PLCB4: variants seen among roughly 807,000 people sequenced by gnomAD.
PLCB4 encodes phospholipase C beta 4, also known as 1-phosphatidylinositol 4,5-bisphosphate phosphodiesterase beta-4.
In PLCB4, 77 loss-of-function variants were observed where a neutral mutation model predicts 178.8. That is an observed-to-expected ratio of 0.43 (90% CI 0.36 to 0.52). The LOEUF (loss-of-function observed/expected upper bound fraction) is 0.52, where lower values mean the gene tolerates loss of function less well. Among genes scored for constraint, PLCB4 ranks in the 20% least tolerant of loss-of-function variants. The pLI, the probability that PLCB4 is intolerant of heterozygous loss-of-function variation, is 0.00. For synonymous variants in PLCB4, 496 were observed against 490.8 expected (o/e 1.01, Z -0.14); for missense variants, 1,024 against 1,453.4 (o/e 0.70, Z 4.80).
chr20:9,120,598 T>C (rs915531948), intron 2 of PLCB4, among the ~76,000 whole-genome samples: 1 of 152,128 alleles, frequency 6.6e-6, no homozygotes, highest in Non-Finnish European at 1.5e-5. Flanking sequence ...TCAATACTAC[T>C]TCTCATCTGC....
chr20:9,129,766 T>G (rs186142737), intron 2 of PLCB4, among the ~76,000 whole-genome samples: 29 of 152,324 alleles, frequency 1.9e-4, no homozygotes, highest in African/African-American at 5.5e-4. Flanking sequence ...TTTATACACA[T>G]GTTTTCAAAA....
At chr20:9,148,416 C>G (rs1019491481) in intron 2 of PLCB4, among the ~76,000 whole-genome samples, 2 of 152,142 alleles carry the variant, frequency 1.3e-5, no homozygotes, top group African/African-American at 4.8e-5. Flanking sequence ...TGTTAGATGT[C>G]TCACAAAGGG....
intron 2 of PLCB4, among the ~76,000 whole-genome samples, chr20:9,109,027 C>CA (rs1325235077): frequency 4.6e-5 from 7 of 151,008 alleles, no homozygotes; most frequent in Admixed American, 2.6e-4. Context: ...TGCCCCCCAC[C>CA]AAAAAAAAGT....
intron 3 of PLCB4, among the ~76,000 whole-genome samples, chr20:9,223,128 T>A (rs543944782): frequency 6.6e-6 from 1 of 152,150 alleles, no homozygotes; most frequent in Non-Finnish European, 1.5e-5. Context: ...GGAATTTCAA[T>A]GGGAAAAAAA....
chr20:9,424,283 G>A (rs1201465236), intron 28 of PLCB4, among the ~76,000 whole-genome samples: 2 of 152,150 alleles, frequency 1.3e-5, no homozygotes, highest in Non-Finnish European at 2.9e-5. Context: ...TAAATAAGGT[G>A]AAACCATAGA....
At chr20:9,278,991 A>T (rs1330496437) in intron 3 of PLCB4, among the ~76,000 whole-genome samples, 1 of 152,056 alleles carries the variant, frequency 6.6e-6, no homozygotes, top group Non-Finnish European at 1.5e-5. Context: ...GTTTGTTTAA[A>T]TACAAGCTTT....
Position 9,421,287 on chromosome 20 carries a change from G to A in PLCB4, c.2155-10G>A. On this transcript the variant is annotated splice_polypyrimidine_tract_variant and intron_variant, in intron 26 of 39. Coordinates refer to ENST00000378473, the MANE Select transcript of PLCB4 (RefSeq NM_001377142.1). ...CTTACTTCTCTTTGCTCTCGTTCGT[G>A]CTGCTACAGGTTATATCAGGTCAAT... 6.2e-7 allele frequency: 1 copy of A among 1,600,966 alleles called. No homozygotes were observed.
At chr20:9,069,839 G>C (rs1481809879) in intron 1 of PLCB4, among the ~76,000 whole-genome samples, 2 of 152,114 alleles carry the variant, frequency 1.3e-5, no homozygotes, top group Non-Finnish European at 2.9e-5. Context: ...ACTTTATCTA[G>C]AATCATAAAA....
chr20:9,352,886 T>G (rs1292475128), intron 7 of PLCB4, among the ~76,000 whole-genome samples: 1 of 152,214 alleles, frequency 6.6e-6, no homozygotes, highest in Admixed American at 6.5e-5. Flanking sequence ...GCTTCTTTTT[T>G]GCTCACATAC....
chr20:9,309,122 G>A (rs927767526), intron 4 of PLCB4, among the ~76,000 whole-genome samples: 20 of 151,942 alleles, frequency 1.3e-4, no homozygotes, highest in African/African-American at 4.1e-4. Flanking sequence ...CCATTGTAGC[G>A]TAAAGGGAAG....
At chr20:9,468,105 A>G (rs1006702262) in intron 35 of PLCB4, among the ~76,000 whole-genome samples, 1 of 152,104 alleles carries the variant, frequency 6.6e-6, no homozygotes, top group African/African-American at 2.4e-5. Flanking sequence ...TCTGATCCCA[A>G]ATAATATGAA....
chr20:9,179,029 T>C (rs1368164492), intron 2 of PLCB4, among the ~76,000 whole-genome samples: 6 of 152,208 alleles, frequency 3.9e-5, no homozygotes, highest in Admixed American at 3.3e-4. Context: ...TTTGAACTTA[T>C]GATAAAAAAT....
At chr20:9,221,027 G>A (rs1246270048) in intron 3 of PLCB4, among the ~76,000 whole-genome samples, 1 of 152,124 alleles carries the variant, frequency 6.6e-6, no homozygotes, top group East Asian at 1.9e-4. Context: ...CGTGAGATGA[G>A]CTCTCCAGAA....
At chr20:9,475,715 A>T (rs1320936065) in intron 38 of PLCB4, among the ~76,000 whole-genome samples, 1 of 152,186 alleles carries the variant, frequency 6.6e-6, no homozygotes, top group Non-Finnish European at 1.5e-5. Context: ...TCTTTCTAGT[A>T]TACATTTTTT....
chr20:9,138,046 A>G (rs1337688797), intron 2 of PLCB4, among the ~76,000 whole-genome samples: 4 of 152,176 alleles, frequency 2.6e-5, no homozygotes, highest in Non-Finnish European at 5.9e-5. Flanking sequence ...AAGTCTGTCA[A>G]GAAAAGGCAG....
At chr20:9,439,579 T>C (rs1368194381) in intron 30 of PLCB4, among the ~76,000 whole-genome samples, 1 of 152,158 alleles carries the variant, frequency 6.6e-6, no homozygotes. Flanking sequence ...AAAACAGCAG[T>C]ATAGAAAAGC....
intron 3 of PLCB4, among the ~76,000 whole-genome samples, chr20:9,281,819 C>T (rs1391231416): frequency 6.6e-6 from 1 of 151,836 alleles, no homozygotes; most frequent in Non-Finnish European, 1.5e-5. Flanking sequence ...GAATTAAACA[C>T]ACTCTAAAAT....
chr20:9,474,534 G>A (rs1417063543), intron 38 of PLCB4, among the ~76,000 whole-genome samples: 1 of 152,088 alleles, frequency 6.6e-6, no homozygotes, highest in Non-Finnish European at 1.5e-5. Flanking sequence ...GATGAAATAT[G>A]TACTTGTGCC....
chr20:9,300,401 A>T (rs1339917527), intron 3 of PLCB4, among the ~76,000 whole-genome samples: 1 of 152,194 alleles, frequency 6.6e-6, no homozygotes, highest in Admixed American at 6.5e-5. Context: ...TAACTGAGTC[A>T]TGGTGCATTT....
Sources: gnomAD v4.1 joint callset for allele counts (sites outside exome capture counted in the v4.1 genomes callset) on GRCh38, gnomAD v4.1.1 for gene constraint, MANE v1.5 for transcripts, NCBI Gene and HGNC (gene_info 2026-07-23, HGNC 2026-07-21) for gene names.